TLK2: variants seen among roughly 807,000 people sequenced by gnomAD.
The protein encoded by TLK2 is serine/threonine-protein kinase tousled-like 2.
In TLK2, 6 loss-of-function variants were observed where a neutral mutation model predicts 117.3. That is an observed-to-expected ratio of 0.05 (90% confidence interval 0.03 to 0.10). The LOEUF (loss-of-function observed/expected upper bound fraction) is 0.10. TLK2 is among the 10% of genes least tolerant of loss of function. TLK2 has a pLI of 1.00. For missense variants in TLK2, 299 were observed against 901.2 expected (o/e 0.33, Z 8.56); for synonymous variants, 257 against 316.7 (o/e 0.81, Z 2.00).
intron 2 of TLK2, among the ~76,000 whole-genome samples, chr17:62,517,016 G>A (rs930950119): frequency 4.6e-5 from 7 of 151,798 alleles, no homozygotes; most frequent in African/African-American, 1.7e-4. Context: ...AGTGATTCTC[G>A]TGCCTCAGCC....
At chr17:62,481,370 A>G (rs2071626137) in intron 2 of TLK2, among the ~76,000 whole-genome samples, 164 bp downstream of exon 2, 1 of 152,222 alleles carries the variant, frequency 6.6e-6, no homozygotes, top group African/African-American at 2.4e-5. Context: ...TCCAGTAGTC[A>G]TTTAACATAG....
At chr17:62,540,083 CTTCT>C (rs1457908068) in intron 7 of TLK2, among the ~76,000 whole-genome samples, 3 of 148,744 alleles carry the variant, frequency 2.0e-5, no homozygotes, top group African/African-American at 4.9e-5. Flanking sequence ...CTTCTTTCTT[CTTCT>C]TTCTTTCTTT....
At chr17:62,532,274 C>G (rs2076795449) in intron 6 of TLK2, among the ~76,000 whole-genome samples, 1 of 152,192 alleles carries the variant, frequency 6.6e-6, no homozygotes, top group African/African-American at 2.4e-5. Context: ...AAGGCTGTAG[C>G]CTACATAGTG....
intron 19 of TLK2, among the ~76,000 whole-genome samples, chr17:62,603,719 C>CT (rs2083043997): frequency 1.3e-5 from 2 of 152,036 alleles, no homozygotes; most frequent in African/African-American, 4.8e-5. Context: ...ATGGTGCTTA[C>CT]TTAGGGGGTC....
chr17:62,593,447 TAAAA>T (rs952281246), intron 16 of TLK2, among the ~76,000 whole-genome samples: 1 of 152,230 alleles, frequency 6.6e-6, no homozygotes, highest in Non-Finnish European at 1.5e-5. Flanking sequence ...ACACTTAGCT[TAAAA>T]AAATCACATT....
chr17:62,591,425 C>A (rs1261383137), intron 16 of TLK2, among the ~76,000 whole-genome samples: 1 of 151,380 alleles, frequency 6.6e-6, no homozygotes, highest in Non-Finnish European at 1.5e-5. Flanking sequence ...GCTACATTTG[C>A]TGAGTGTCTG....
Position 62,576,523 on chromosome 17 carries a change from C to T in TLK2, c.1122-186C>T, listed in dbSNP as rs574984036. ...AGACTTCTGGCTTTGAAGTTCTTCC[C>T]TCACATCACATCTGGTAAATCACAG... On this transcript the variant is annotated intron_variant, in intron 12 of 21. Transcript: ENST00000346027. Among the ~76,000 whole-genome samples the T allele has an allele frequency of 2.0e-5, 3 of 152,052 alleles. No homozygotes were observed. In the East Asian group the frequency reaches 5.8e-4, roughly 29 times the overall value.
At chr17:62,474,568 C>A (rs2071001910), upstream of TLK2, among the ~76,000 whole-genome samples, 1 of 151,522 alleles carries the variant, frequency 6.6e-6, no homozygotes, top group South Asian at 2.1e-4. Context: ...AGCCACCACA[C>A]CCGGCTAATT....
chr17:62,551,709 GAA>G (rs60162532), intron 7 of TLK2: 59 of 125,404 alleles, frequency 4.7e-4, no homozygotes, highest in South Asian at 1.0e-3. Context: ...CATCTCAAAA[GAA>G]AAAAAAAAAA....
At chr17:62,509,932 A>G (rs2075013123) in intron 2 of TLK2, among the ~76,000 whole-genome samples, 2 of 152,268 alleles carry the variant, frequency 1.3e-5, no homozygotes, top group Middle Eastern at 3.4e-3. Context: ...GTGCCTTGGT[A>G]TTGTACTTCC....
At position 62,472,860 on chromosome 17, in the gene TLK2, T is replaced by A. The variant is rs560601015; in HGVS notation, c.-205+1782T>A. ...GGTTATTATCAGGACCAATTGATTTTGCCTGATCTGAGAGAAAACATCCTG... is the reference window on the plus strand; with the variant it reads ...GGTTATTATCAGGACCAATTGATTTAGCCTGATCTGAGAGAAAACATCCTG... On this transcript the variant is annotated intron_variant, in intron 1 of 4. Transcript: ENST00000579450. Among the ~76,000 whole-genome samples the A allele has an allele frequency of 3.9e-5, 6 of 152,286 alleles. No individual in the cohort carries two copies. In the South Asian group the frequency reaches 1.2e-3, roughly 32 times the overall value.
intron 2 of TLK2, among the ~76,000 whole-genome samples, chr17:62,493,542 CTT>C (rs889308703): frequency 3.9e-5 from 6 of 152,184 alleles, no homozygotes; most frequent in Admixed American, 3.9e-4. Context: ...AAACTGTACT[CTT>C]TTGTTGACCT....
chr17:62,562,843 G>A (rs2079407662), intron 10 of TLK2, among the ~76,000 whole-genome samples: 1 of 152,136 alleles, frequency 6.6e-6, no homozygotes, highest in African/African-American at 2.4e-5. Flanking sequence ...ATGTTGGCCG[G>A]GCATGGTGAC....
chr17:62,563,472 C>T lies in TLK2; in HGVS notation c.832-1529C>T, dbSNP rs2079464669. ...AATAAAAAAAAAGAAAATAAATTCA[C>T]TAAAATAAATCAAGGGCAGGGGACT... On this transcript the variant is annotated intron_variant, in intron 10 of 21. Coordinates refer to ENST00000346027, the MANE Select transcript of TLK2 (RefSeq NM_006852.6). 2.0e-5 allele frequency among the ~76,000 whole-genome samples: 3 copies of T among 151,932 alleles called. No homozygotes were observed. In the South Asian group the frequency reaches 6.2e-4, roughly 32 times the overall value.
chr17:62,580,511 A>G (rs2081131194), intron 15 of TLK2, among the ~76,000 whole-genome samples: 1 of 152,210 alleles, frequency 6.6e-6, no homozygotes, highest in African/African-American at 2.4e-5. Context: ...AGAAAAAAGT[A>G]TGTGCTATCT....
intron 2 of TLK2, among the ~76,000 whole-genome samples, chr17:62,510,862 C>T (rs1314156364): frequency 6.6e-6 from 1 of 152,052 alleles, no homozygotes; most frequent in African/African-American, 2.4e-5. Flanking sequence ...GGGTTAAATG[C>T]CCTGATATAC....
intron 2 of TLK2, among the ~76,000 whole-genome samples, chr17:62,502,055 C>T (rs1417447582): frequency 1.3e-4 from 12 of 91,276 alleles, no homozygotes; most frequent in Non-Finnish European, 2.2e-4. Flanking sequence ...TTACAAATTT[C>T]ACAAGACATT....
chr17:62,476,200 G>A (rs186427874), upstream of TLK2, among the ~76,000 whole-genome samples: 797 of 151,562 alleles, frequency 5.3e-3, 5 homozygotes, highest in African/African-American at 0.018. Context: ...GGCTGGTCTC[G>A]AACTGCTGGC....
chr17:62,539,918 C>G (rs1013483512), intron 7 of TLK2, among the ~76,000 whole-genome samples: 3 of 152,082 alleles, frequency 2.0e-5, no homozygotes, highest in African/African-American at 7.2e-5. Context: ...GTGTCAGTTG[C>G]CTCCAGTCAT....
Sources: allele counts gnomAD v4.1 joint callset (sites outside exome capture counted in the v4.1 genomes callset), GRCh38; gene constraint gnomAD v4.1.1; transcripts MANE v1.5; gene names NCBI Gene and HGNC (gene_info 2026-07-23, HGNC 2026-07-21).